ARK2N: variants seen among roughly 807,000 people sequenced by gnomAD.
The protein encoded by ARK2N is arkadia (RNF111) N-terminal like PKA signaling regulator 2N.
At chr18:46,208,747 G>C in the ARK2N span, among the ~76,000 whole-genome samples, 1 of 152,024 alleles carries the variant, frequency 6.6e-6, no homozygotes, top group Non-Finnish European at 1.5e-5. Flanking sequence ...GATTACAGGC[G>C]TGAGCCACCA....
chr18:46,198,631 G>T, the ARK2N span, among the ~76,000 whole-genome samples: 1 of 151,702 alleles, frequency 6.6e-6, no homozygotes, highest in Non-Finnish European at 1.5e-5. Context: ...ATGGAGTTTT[G>T]GTCTGTTGTC....
the ARK2N span, among the ~76,000 whole-genome samples, chr18:46,254,621 AAAGT>A: frequency 1.3e-5 from 2 of 152,358 alleles, no homozygotes; most frequent in African/African-American, 4.8e-5. Flanking sequence ...GTCTATAAAT[AAAGT>A]TTTATTTTAA....
chr18:46,188,947 G>T, the ARK2N span, among the ~76,000 whole-genome samples: 2 of 152,148 alleles, frequency 1.3e-5, no homozygotes, highest in African/African-American at 4.8e-5. Context: ...GTGCGGGGTG[G>T]CTCACGCCTG....
chr18:46,228,438 A>G, the ARK2N span, among the ~76,000 whole-genome samples: 1 of 152,242 alleles, frequency 6.6e-6, no homozygotes, highest in African/African-American at 2.4e-5. Flanking sequence ...ATCTTTTAAG[A>G]ATAACATAGA....
chr18:46,258,397 T>G, the ARK2N span, among the ~76,000 whole-genome samples: 1 of 152,304 alleles, frequency 6.6e-6, no homozygotes, highest in South Asian at 2.1e-4. Flanking sequence ...TAATGTTGTT[T>G]TCTTAGAATG....
chr18:46,265,443 AAC>A, the ARK2N span: 1 of 152,302 alleles, frequency 6.6e-6, no homozygotes, highest in Non-Finnish European at 1.5e-5. Context: ...GTGGATTAGG[AAC>A]AGAGTGGAGC....
chr18:46,220,448 C>T, the ARK2N span, among the ~76,000 whole-genome samples: 10 of 152,154 alleles, frequency 6.6e-5, no homozygotes, highest in Non-Finnish European at 1.2e-4. Flanking sequence ...GATCAGTTAA[C>T]TCTTGCTTAG....
At chr18:46,178,659 G>T in the ARK2N span, among the ~76,000 whole-genome samples, 2 of 152,160 alleles carry the variant, frequency 1.3e-5, no homozygotes, top group Non-Finnish European at 2.9e-5. Flanking sequence ...AGTGGCTCAT[G>T]CCTGTAATCC....
the ARK2N span, among the ~76,000 whole-genome samples, chr18:46,205,466 A>G: frequency 1.3e-5 from 2 of 152,146 alleles, no homozygotes; most frequent in South Asian, 4.1e-4. Context: ...AAAAAAGCGC[A>G]TTTCGAGAAG....
At chr18:46,235,470 G>A in the ARK2N span, among the ~76,000 whole-genome samples, 1 of 152,320 alleles carries the variant, frequency 6.6e-6, no homozygotes, top group Admixed American at 6.5e-5. Flanking sequence ...GAAAGGTAGG[G>A]CAGTGGACCA....
chr18:46,189,497 CCCAGG>C, the ARK2N span, among the ~76,000 whole-genome samples: 21 of 152,048 alleles, frequency 1.4e-4, no homozygotes, highest in African/African-American at 4.3e-4. Context: ...CATTATGTTA[CCCAGG>C]CTGGCCTTAA....
chr18:46,211,855 T>G, the ARK2N span, among the ~76,000 whole-genome samples: 1 of 152,330 alleles, frequency 6.6e-6, no homozygotes, highest in East Asian at 1.9e-4. Flanking sequence ...TTTATGCCAT[T>G]TATGTGATGC....
the ARK2N span, chr18:46,216,056 T>C: frequency 6.2e-7 from 1 of 1,614,122 alleles, no homozygotes; most frequent in Middle Eastern, 1.6e-4. The surrounding 1 kb of genome is among the most constrained non-coding windows in gnomAD (Gnocchi z 4.3). Flanking sequence ...CCCTGCTTGT[T>C]GATGGAACTG....
chr18:46,206,964 C>G, the ARK2N span, among the ~76,000 whole-genome samples: 1 of 152,088 alleles, frequency 6.6e-6, no homozygotes, highest in South Asian at 2.1e-4. Flanking sequence ...TTTGTAGAGA[C>G]AGGGTCTCAC....
At chr18:46,244,004 A>G in the ARK2N span, among the ~76,000 whole-genome samples, 1 of 152,190 alleles carries the variant, frequency 6.6e-6, no homozygotes, top group African/African-American at 2.4e-5. Flanking sequence ...TCTTGCTACA[A>G]GTACTTCTTA....
the ARK2N span, among the ~76,000 whole-genome samples, chr18:46,213,191 G>A: frequency 6.6e-6 from 1 of 151,248 alleles, no homozygotes; most frequent in Non-Finnish European, 1.5e-5. Context: ...TAGTAGAGAT[G>A]GGCTTTGACC....
chr18:46,186,532 T>G, the ARK2N span, among the ~76,000 whole-genome samples: 1 of 116,526 alleles, frequency 8.6e-6, no homozygotes, highest in Non-Finnish European at 1.7e-5. Context: ...TGAGACGGAG[T>G]CTCGCTCTGT....
At chr18:46,177,652 TC>T in the ARK2N span, among the ~76,000 whole-genome samples, 1 of 151,932 alleles carries the variant, frequency 6.6e-6, no homozygotes, top group South Asian at 2.1e-4. Context: ...GGTCTCGAAT[TC>T]CTGACCTCAA....
chr18:46,259,573 CCTTTT>C, the ARK2N span, among the ~76,000 whole-genome samples: 1 of 151,764 alleles, frequency 6.6e-6, no homozygotes, highest in Non-Finnish European at 1.5e-5. Context: ...ACAACCTCCC[CCTTTT>C]CTTTTCCCCG....
Sources: gnomAD v4.1 joint callset for allele counts (sites outside exome capture counted in the v4.1 genomes callset) on GRCh38, gnomAD v4.1.1 for gene constraint, Gnocchi (gnomAD v3.1) non-coding constraint, MANE v1.5 for transcripts, NCBI Gene and HGNC (gene_info 2026-07-23, HGNC 2026-07-21) for gene names.